Variants in ITGB5 observed in about 807,000 individuals in gnomAD.
ITGB5 encodes the protein integrin beta-5.
A neutral mutation model predicts 84.8 loss-of-function variants in ITGB5; 38 were observed. That is an observed-to-expected ratio of 0.45 (90% CI 0.35 to 0.59). The LOEUF (loss-of-function observed/expected upper bound fraction) is 0.59. Ranked by LOEUF, ITGB5 falls within the 20% of genes least tolerant of loss-of-function variation. The pLI is 0.01. For synonymous variants in ITGB5, 393 were observed against 414.4 expected (o/e 0.95, Z 0.63); for missense variants, 905 against 1,034.5 (o/e 0.87, Z 1.72).
intron 1 of ITGB5, among the ~76,000 whole-genome samples, chr3:124,880,210 A>T (rs928172099): frequency 6.6e-6 from 1 of 152,276 alleles, no homozygotes; most frequent in African/African-American, 2.4e-5. Flanking sequence ...ATGACAACTC[A>T]ATGTATTGTG....
chr3:124,773,699 C>T lies in ITGB5; in HGVS notation c.1907G>A (p.Ser636Asn). The part of the protein sequence containing the change: ...EKCPTCPDAC[S>N]TKRDCVECLL... ...TCAGTGGAACCAGTACCTCTTGGTG[C>T]TGCATGCATCCGGGCAGGTGGGGCA... is the stretch of plus-strand genomic sequence containing the variant. Residue 636 changes from serine to asparagine, a missense_variant, in exon 11 of 15, where the codon AGC becomes AAC. Ser to Asn is a conservative substitution (Grantham distance 46). Transcript: ENST00000296181. 6.2e-7 allele frequency: 1 copy of T among 1,612,150 alleles called. No individual in the cohort carries two copies. Among genetic ancestry groups the T allele is most frequent in the Non-Finnish European group, 8.5e-7 (1 of 1,179,950 alleles).
At chr3:124,880,761 T>G (rs1401624091) in intron 1 of ITGB5, among the ~76,000 whole-genome samples, 3 of 151,586 alleles carry the variant, frequency 2.0e-5, no homozygotes, top group Non-Finnish European at 2.9e-5. Flanking sequence ...AACCCTATCT[T>G]TACTAAAAAT....
chr3:124,885,745 G>A (rs891674193), intron 1 of ITGB5, among the ~76,000 whole-genome samples: 1 of 152,206 alleles, frequency 6.6e-6, no homozygotes, highest in Non-Finnish European at 1.5e-5. Context: ...CCAAGCTCTG[G>A]AGTGATTATT....
At chr3:124,821,941 C>T (rs181583717) in intron 5 of ITGB5, among the ~76,000 whole-genome samples, 89 of 152,296 alleles carry the variant, frequency 5.8e-4, no homozygotes, top group African/African-American at 2.1e-3. Flanking sequence ...CCCATTAGAC[C>T]TGAGTCAATC....
chr3:124,811,283 A>G (rs1313468372), intron 8 of ITGB5, among the ~76,000 whole-genome samples: 1 of 152,210 alleles, frequency 6.6e-6, no homozygotes, highest in African/African-American at 2.4e-5. Flanking sequence ...CTGTCGTTGA[A>G]TGAATAAACG....
At chr3:124,829,582 T>C (rs1226950742) in intron 5 of ITGB5, among the ~76,000 whole-genome samples, 1 of 152,150 alleles carries the variant, frequency 6.6e-6, no homozygotes, top group Non-Finnish European at 1.5e-5. Context: ...ACAGTTCTGG[T>C]CCTAGGCCCT....
chr3:124,890,964 C>G (rs914782120), upstream of ITGB5, among the ~76,000 whole-genome samples: 16 of 151,884 alleles, frequency 1.1e-4, no homozygotes. Context: ...ACTGATTGCT[C>G]ACCTCGAGGC....
At chr3:124,863,949 T>C (rs887185281) in intron 2 of ITGB5, among the ~76,000 whole-genome samples, 2 of 132,186 alleles carry the variant, frequency 1.5e-5, no homozygotes, top group South Asian at 4.6e-4. Context: ...AAATGTCTCT[T>C]AACCCTTAGT....
At chr3:124,773,625 G>T (rs939795128) in intron 11 of ITGB5, 65 bp downstream of exon 11, 43 of 1,506,972 alleles carry the variant, frequency 2.9e-5, no homozygotes, top group Non-Finnish European at 3.8e-5. Flanking sequence ...CCTGAGGGCT[G>T]CCTGGCTGGA....
chr3:124,834,081 T>A (rs865910192), intron 5 of ITGB5, among the ~76,000 whole-genome samples: 1 of 152,066 alleles, frequency 6.6e-6, no homozygotes, highest in Non-Finnish European at 1.5e-5. Flanking sequence ...GAAGCAGGAA[T>A]GGACAAGTGG....
chr3:124,874,252 C>T (rs1313679527), intron 1 of ITGB5, among the ~76,000 whole-genome samples: 6 of 141,808 alleles, frequency 4.2e-5, no homozygotes, highest in Admixed American at 1.5e-4. Context: ...GAGCCATGAT[C>T]GTACCACTGC....
intron 8 of ITGB5, among the ~76,000 whole-genome samples, chr3:124,815,860 C>T (rs2064582715): frequency 1.3e-5 from 2 of 152,194 alleles, no homozygotes; most frequent in Admixed American, 6.5e-5. Flanking sequence ...GCAAATCACT[C>T]ACCGTGGAAT....
At chr3:124,811,239 C>A (rs541859124) in intron 8 of ITGB5, among the ~76,000 whole-genome samples, 1 of 152,254 alleles carries the variant, frequency 6.6e-6, no homozygotes, top group African/African-American at 2.4e-5. Context: ...AGTCCAAGGG[C>A]TGTATCATAG....
chr3:124,890,034 A>G (rs1559991052), upstream of ITGB5, among the ~76,000 whole-genome samples: 2 of 151,974 alleles, frequency 1.3e-5, no homozygotes, highest in South Asian at 2.1e-4. Context: ...CAATCAATCA[A>G]TGCCCTGAAA....
At position 124,774,645 on chromosome 3, in the gene ITGB5, T is replaced by C. The variant is rs150363510; in HGVS notation, c.1694-733A>G. Among the ~76,000 whole-genome samples the C allele has an allele frequency of 1.8e-4, 27 of 152,334 alleles. No homozygotes were observed. In the East Asian group the frequency reaches 4.6e-3, roughly 26 times the overall value. ...CTGTAAGAAAATAAATCCGTGTTGCTTTATGTCACTAAATCTGCGGTCATC... is the reference window on the plus strand; with the variant it reads ...CTGTAAGAAAATAAATCCGTGTTGCCTTATGTCACTAAATCTGCGGTCATC... On this transcript the variant is annotated intron_variant, in intron 10 of 14. Transcript: ENST00000296181.
At chr3:124,766,463 A>C in intron 12 of ITGB5, 118 bp from the exon 13 acceptor site, 1 of 1,249,306 alleles carries the variant, frequency 8.0e-7, no homozygotes, top group South Asian at 1.5e-5. Flanking sequence ...GTGTGGGCAG[A>C]AAATCTTAAG....
intron 10 of ITGB5, among the ~76,000 whole-genome samples, chr3:124,774,865 GCA>G: frequency 1.3e-5 from 2 of 152,330 alleles, no homozygotes; most frequent in Middle Eastern, 3.4e-3. Context: ...GGATGAATCC[GCA>G]CAGTGACTTA....
chr3:124,871,056 A>AT (rs1934009967), intron 2 of ITGB5, among the ~76,000 whole-genome samples: 1 of 151,916 alleles, frequency 6.6e-6, no homozygotes, highest in Admixed American at 6.6e-5. Context: ...CACCCAGCTA[A>AT]TTTTTTGTAT....
At chr3:124,794,190 A>T (rs1354540897) in intron 10 of ITGB5, among the ~76,000 whole-genome samples, 1 of 152,182 alleles carries the variant, frequency 6.6e-6, no homozygotes, top group Non-Finnish European at 1.5e-5. Context: ...CCTGCCTAAA[A>T]CTGTTTTACT....
Sources: allele counts gnomAD v4.1 joint callset (sites outside exome capture counted in the v4.1 genomes callset), GRCh38; gene constraint gnomAD v4.1.1; transcripts MANE v1.5; gene names NCBI Gene and HGNC (gene_info 2026-07-23, HGNC 2026-07-21).